Variants in SPAG17 observed in about 807,000 individuals in gnomAD.
SPAG17 encodes sperm associated antigen 17, also known as sperm-associated antigen 17.
A neutral mutation model predicts 273.6 loss-of-function variants in SPAG17; 169 were observed. That is an observed-to-expected ratio of 0.62 (90% confidence interval 0.55 to 0.70). The LOEUF is 0.70. SPAG17 is among the 30% of genes least tolerant of loss of function. The pLI is 0.00. For synonymous variants in SPAG17, 825 were observed against 873.2 expected (o/e 0.94, Z 0.97); for missense variants, 2,557 against 2,627.8 (o/e 0.97, Z 0.59).
At chr1:118,105,892 G>A (rs1656369276) in intron 4 of SPAG17, among the ~76,000 whole-genome samples, 1 of 152,132 alleles carries the variant, frequency 6.6e-6, no homozygotes, top group Admixed American at 6.6e-5. Flanking sequence ...CAGAGAGGCA[G>A]AGAATAACAG....
At chr1:118,085,533 C>A (rs569846437) in intron 13 of SPAG17, among the ~76,000 whole-genome samples, 4 of 137,126 alleles carry the variant, frequency 2.9e-5, no homozygotes, top group African/African-American at 1.0e-4. Flanking sequence ...TACGCGTGCG[C>A]GCGCGCACAC....
In SPAG17 at chr1:118,099,107, T is replaced by C. The variant is rs143306591; in HGVS notation, c.829+499A>G. ...CTCAAGGCTCAAAATGGCTAAATGGTAGCATGATTGGAACTTCATCCCACA... is the reference window on the plus strand; with the variant it reads ...CTCAAGGCTCAAAATGGCTAAATGGCAGCATGATTGGAACTTCATCCCACA... On this transcript the variant is annotated intron_variant, in intron 6 of 48. Transcript: ENST00000336338. Among the ~76,000 whole-genome samples the C allele has an allele frequency of 1.4e-3, 215 of 152,262 alleles. 1 individual carries two copies. The highest frequency in any genetic ancestry group is 6.8e-3 in the Middle Eastern group (2 of 294).
intron 20 of SPAG17, among the ~76,000 whole-genome samples, chr1:118,043,280 C>T (rs1649982485): frequency 1.3e-5 from 2 of 152,128 alleles, no homozygotes; most frequent in Admixed American, 1.3e-4. Flanking sequence ...AGACGTTCAT[C>T]CTAACATTAA....
At chr1:118,185,022 C>T (rs934552809) in intron 1 of SPAG17, 49 bp downstream of exon 1, 3 of 1,526,150 alleles carry the variant, frequency 2.0e-6, no homozygotes, top group African/African-American at 1.4e-5. Flanking sequence ...TCTGGCCGGG[C>T]CTCTGGCATT....
At chr1:118,105,057 A>C (rs1008253038) in intron 4 of SPAG17, among the ~76,000 whole-genome samples, 1 of 152,208 alleles carries the variant, frequency 6.6e-6, no homozygotes, top group Non-Finnish European at 1.5e-5. Context: ...AGAATGTGCC[A>C]ATGACTGGAC....
At chr1:118,013,179 T>G (rs143067916) in intron 29 of SPAG17, among the ~76,000 whole-genome samples, 51 of 152,360 alleles carry the variant, frequency 3.3e-4, no homozygotes, top group African/African-American at 1.2e-3. Flanking sequence ...TAATGCATAT[T>G]TCAATCATTG....
intron 3 of SPAG17, among the ~76,000 whole-genome samples, chr1:118,143,018 A>G (rs969062630): frequency 6.6e-6 from 1 of 152,230 alleles, no homozygotes; most frequent in South Asian, 2.1e-4. Flanking sequence ...TCACTTAACC[A>G]TATAAATCTT....
intron 17 of SPAG17, among the ~76,000 whole-genome samples, chr1:118,071,092 A>G (rs1016668582): frequency 1.3e-5 from 2 of 151,998 alleles, no homozygotes; most frequent in Non-Finnish European, 2.9e-5. Flanking sequence ...TGAGTCTCCT[A>G]TGGAAATCTC....
At chr1:118,055,371 T>G (rs938237612) in intron 19 of SPAG17, among the ~76,000 whole-genome samples, 2 of 152,192 alleles carry the variant, frequency 1.3e-5, no homozygotes, top group African/African-American at 4.8e-5. Context: ...AATAGATATC[T>G]ACTAACTCTG....
intron 18 of SPAG17, among the ~76,000 whole-genome samples, chr1:118,061,894 A>G (rs957778210): frequency 6.6e-6 from 1 of 152,228 alleles, no homozygotes; most frequent in African/African-American, 2.4e-5. Context: ...CGAACAAAGT[A>G]AAGAAACTGA....
chr1:118,071,565 A>C (rs371218287), intron 17 of SPAG17, among the ~76,000 whole-genome samples: 1 of 152,204 alleles, frequency 6.6e-6, no homozygotes, highest in Non-Finnish European at 1.5e-5. Context: ...CAGGAGAATC[A>C]CTTGAACCTG....
rs777233030 is a variant in SPAG17, at chr1:118,085,960, A to G, written c.1724T>C (p.Leu575Pro). Residue 575 changes from leucine (L) to proline (P), a missense_variant, in exon 13 of 49, where the codon CTA becomes CCA. Transcript: ENST00000336338. ...LPPPWNNTKR[L>P]ATIHELMHFC... ...GTGCATAAGCTCATGAATTGTAGCT[A>G]GACGTTTAGTGTTGTTCCATGGTGG... 3.1e-6 allele frequency: 5 copies of G among 1,612,226 alleles called. No homozygotes were observed. The Admixed American group carries it at 6.7e-5, about 22-fold the overall frequency.
Position 117,966,699 on chromosome 1 carries a change from C to T in SPAG17, c.6442G>A (p.Gly2148Arg), listed in dbSNP as rs781245711. 2.5e-6 allele frequency: 4 copies of T among 1,613,884 alleles called. No homozygotes were observed. The African/African-American group carries it at 5.3e-5, about 22-fold the overall frequency. The stretch of plus-strand genomic sequence containing the variant: ...GCTGATCCCTTGGCCCCATCCTCTC[C>T]AACAGCTGTGGCAAATAACTCTATA... ...LNIELFATAV[G>R]EDGAKGSAHI... The change falls in exon 47 of 49, where the codon GGA becomes AGA. Residue 2148 changes from glycine to arginine, a missense_variant. Gly to Arg is a moderately radical substitution (Grantham distance 125). Coordinates refer to ENST00000336338, the MANE Select transcript of SPAG17 (RefSeq NM_206996.4).
intron 25 of SPAG17, among the ~76,000 whole-genome samples, chr1:118,030,653 C>T (rs1648348091): frequency 6.6e-6 from 1 of 152,088 alleles, no homozygotes; most frequent in Middle Eastern, 3.2e-3. Context: ...CATGTGTTCT[C>T]ATTGTTCAAC....
chr1:117,991,521 A>G lies in SPAG17; in HGVS notation c.5369T>C (p.Ile1790Thr), dbSNP rs776324276. The G allele has an allele frequency of 6.3e-7, 1 of 1,588,300 alleles. No individual in the cohort carries two copies. Among genetic ancestry groups the G allele is most frequent in the Non-Finnish European group, 8.6e-7 (1 of 1,158,508 alleles). Residue 1790 changes from isoleucine to threonine, a missense_variant, in exon 37 of 49, where the codon ATA becomes ACA. Physicochemically the swap from Ile to Thr is moderately conservative, Grantham distance 89. Transcript: ENST00000336338. ...LRLQVSLKDYINYILKKEDEL... is the reference protein window; with the variant it reads ...LRLQVSLKDYTNYILKKEDEL... ...ATCTTCTTTCTTTAGAATATAGTTT[A>G]TGTAATCCTAAATCAGCAGAATAAA...
At chr1:117,965,039 A>G (rs550458923) in intron 47 of SPAG17, 38 of 152,282 alleles carry the variant, frequency 2.5e-4, no homozygotes, top group Admixed American at 1.6e-3. Context: ...TCCTTCCTAT[A>G]TTCTGTTGCA....
At chr1:118,118,524 G>A (rs755553753) in intron 3 of SPAG17, among the ~76,000 whole-genome samples, 6 of 152,290 alleles carry the variant, frequency 3.9e-5, no homozygotes, top group South Asian at 2.1e-4. Context: ...TGTGCTTGGC[G>A]TGAATCAGGA....
At chr1:118,083,441 G>A (rs1654748218) in intron 13 of SPAG17, among the ~76,000 whole-genome samples, 1 of 152,118 alleles carries the variant, frequency 6.6e-6, no homozygotes, top group Non-Finnish European at 1.5e-5. Context: ...GTGGGGGACT[G>A]GGCTGGGATG....
intron 1 of SPAG17, among the ~76,000 whole-genome samples, chr1:118,157,731 G>C (rs1193636333): frequency 6.6e-6 from 1 of 152,232 alleles, no homozygotes; most frequent in African/African-American, 2.4e-5. Flanking sequence ...CCCTGGGCAA[G>C]TTACTTAACT....
Sources: gnomAD v4.1 joint callset for allele counts (sites outside exome capture counted in the v4.1 genomes callset) on GRCh38, gnomAD v4.1.1 for gene constraint, MANE v1.5 for transcripts, NCBI Gene and HGNC (gene_info 2026-07-23, HGNC 2026-07-21) for gene names.